Variants in SBF2 observed in about 807,000 individuals in gnomAD.
The protein encoded by SBF2 is SET binding factor 2, also known as myotubularin-related protein 13.
Under a neutral mutation model 225.2 loss-of-function variants are expected in SBF2, and 112 were observed. That is an observed-to-expected ratio of 0.50 (90% CI 0.43 to 0.58). SBF2 has a LOEUF of 0.58. SBF2 is among the 20% of genes least tolerant of loss of function. SBF2 has a pLI of 0.00. For missense variants in SBF2, 1,996 were observed against 2,206.2 expected (o/e 0.90, Z 1.91); for synonymous variants, 763 against 773.3 (o/e 0.99, Z 0.22).
intron 2 of SBF2, among the ~76,000 whole-genome samples, chr11:10,147,452 G>C (rs1478486317): frequency 6.6e-6 from 1 of 152,084 alleles, no homozygotes; most frequent in Non-Finnish European, 1.5e-5. Context: ...ATTATCCTTA[G>C]CAAACTAACA....
intron 2 of SBF2, among the ~76,000 whole-genome samples, chr11:10,109,436 C>A (rs1420809287): frequency 6.6e-6 from 1 of 152,162 alleles, no homozygotes; most frequent in Non-Finnish European, 1.5e-5. Flanking sequence ...AAAAGTTTGA[C>A]AGTATTATTT....
chr11:10,158,910 A>G (rs77171385), intron 2 of SBF2, among the ~76,000 whole-genome samples: 11,598 of 152,264 alleles, frequency 0.076, 628 homozygotes, highest in East Asian at 0.28. Flanking sequence ...CATCTCATTA[A>G]ATCACAAACA....
intron 16 of SBF2, among the ~76,000 whole-genome samples, chr11:9,923,025 C>T (rs1863754474): frequency 6.6e-6 from 1 of 152,152 alleles, no homozygotes; most frequent in African/African-American, 2.4e-5. Context: ...AGGCACAGTG[C>T]TCGCCAGCTT....
chr11:9,808,004 T>G lies in SBF2; in HGVS notation c.4439A>C (p.His1480Pro). Reference sequence around the variant, plus strand: ...ACTCAAGCTTGCTCTACTTACCTGGTGTACACAGTCTAAGAACTGTAAGAA... The same window carrying G: ...ACTCAAGCTTGCTCTACTTACCTGGGGTACACAGTCTAAGAACTGTAAGAA... ...PVFLQFLDCV[H>P]QVHNQYPTEF... Residue 1480 changes from histidine (H) to proline (P), a missense_variant, in exon 32 of 40, where the codon CAC (histidine) becomes CCC (proline). Transcript: ENST00000256190. 2 of 1,614,018 alleles carry G rather than the reference T, an allele frequency of 1.2e-6. No homozygotes were observed.
chr11:9,886,185 T>C (rs2134102020), intron 17 of SBF2, among the ~76,000 whole-genome samples: 1 of 152,358 alleles, frequency 6.6e-6, no homozygotes, highest in South Asian at 2.1e-4. Flanking sequence ...AAATGATCAA[T>C]TGATTTTTAA....
intron 13 of SBF2, among the ~76,000 whole-genome samples, chr11:9,972,216 T>C (rs971276288): frequency 2.6e-5 from 4 of 152,146 alleles, no homozygotes; most frequent in African/African-American, 7.2e-5. Context: ...AAGGTTCTTA[T>C]GAGTATTGAA....
At chr11:9,896,661 C>T (rs377240322) in intron 16 of SBF2, among the ~76,000 whole-genome samples, 19 of 151,876 alleles carry the variant, frequency 1.3e-4, no homozygotes, top group South Asian at 2.1e-4. Context: ...TGGTGGCGGG[C>T]GCCTGTAATC....
At chr11:9,922,675 G>T (rs1161969381) in intron 16 of SBF2, among the ~76,000 whole-genome samples, 2 of 152,002 alleles carry the variant, frequency 1.3e-5, no homozygotes, top group Admixed American at 6.6e-5. Flanking sequence ...AAAAGCACAG[G>T]ACCTGCTTTG....
At chr11:9,828,446 A>G (rs928642705) in intron 28 of SBF2, 7 of 985,414 alleles carry the variant, frequency 7.1e-6, no homozygotes, top group Non-Finnish European at 8.4e-6. Context: ...CAATCAGAGA[A>G]TTTAATGATA....
intron 1 of SBF2, among the ~76,000 whole-genome samples, chr11:10,299,762 C>G (rs59717668): frequency 0.08 from 12,212 of 152,118 alleles, 644 homozygotes; most frequent in East Asian, 0.27. Flanking sequence ...TCTCTGCAGT[C>G]TCTCCAGAGT....
At chr11:9,894,206 ACT>A (rs1336450925) in intron 17 of SBF2, among the ~76,000 whole-genome samples, 2 of 152,100 alleles carry the variant, frequency 1.3e-5, no homozygotes, top group African/African-American at 2.4e-5. Context: ...ACATGGTGAA[ACT>A]CTGTCTCTAC....
At chr11:9,929,653 A>G (rs1003544173) in intron 16 of SBF2, among the ~76,000 whole-genome samples, 13 of 152,316 alleles carry the variant, frequency 8.5e-5, no homozygotes, top group African/African-American at 2.9e-4. Context: ...TGCATGTCAC[A>G]CAACCAATGC....
At chr11:9,780,829 T>A in intron 39 of SBF2, 1 of 382,126 alleles carries the variant, frequency 2.6e-6, no homozygotes, top group East Asian at 6.4e-5. Flanking sequence ...ACCTTTCCCA[T>A]GCACTGCACC....
intron 8 of SBF2, among the ~76,000 whole-genome samples, chr11:9,998,617 T>G (rs2896515): frequency 4.6e-5 from 7 of 152,048 alleles, no homozygotes; most frequent in Non-Finnish European, 1.0e-4. Flanking sequence ...AGAAGTGACA[T>G]GTGTTTTCCT....
At chr11:10,201,998 T>C (rs868543890) in intron 1 of SBF2, among the ~76,000 whole-genome samples, 2 of 152,216 alleles carry the variant, frequency 1.3e-5, no homozygotes, top group African/African-American at 4.8e-5. Context: ...ACTGAGAATG[T>C]ATAAATCCAG....
rs776003865 is a variant in SBF2, at chr11:9,842,738, T to G, written c.3143A>C (p.Lys1048Thr). ...TFSKTIVKGA[K>T]RAGKMTIGRQ... ...CCCAATTGTCATTTTCCCTGCCCTT[T>G]TGGCACCTTTCACAATTGTTTTTGA... The change falls in exon 25 of 40, where the codon AAA becomes ACA. Residue 1048 changes from lysine (K) to threonine (T), a missense_variant. Coordinates refer to ENST00000256190, the MANE Select transcript of SBF2 (RefSeq NM_030962.4). The G allele has an allele frequency of 6.2e-7, 1 of 1,614,164 alleles. No homozygotes were observed. Among genetic ancestry groups the G allele is most frequent in the Admixed American group, 1.7e-5 (1 of 60,026 alleles).
chr11:9,941,266 G>C (rs911836137), intron 16 of SBF2, among the ~76,000 whole-genome samples: 7 of 152,160 alleles, frequency 4.6e-5, no homozygotes, highest in Non-Finnish European at 1.0e-4. Flanking sequence ...AGTAAGCTAT[G>C]ATTCCCACCC....
chr11:10,085,002 T>C (rs986253630), intron 2 of SBF2, among the ~76,000 whole-genome samples: 7 of 152,126 alleles, frequency 4.6e-5, no homozygotes, highest in African/African-American at 1.4e-4. Flanking sequence ...AGTTGGGTGA[T>C]GGATACCCTA....
chr11:10,081,418 C>T (rs1951358074), intron 2 of SBF2, among the ~76,000 whole-genome samples: 1 of 152,098 alleles, frequency 6.6e-6, no homozygotes, highest in African/African-American at 2.4e-5. Context: ...CTCTGGGATA[C>T]AGCAAAAGCA....
Sources: gnomAD v4.1 joint callset for allele counts (sites outside exome capture counted in the v4.1 genomes callset) on GRCh38, gnomAD v4.1.1 for gene constraint, MANE v1.5 for transcripts, NCBI Gene and HGNC (gene_info 2026-07-23, HGNC 2026-07-21) for gene names.